HACD3: variants seen among roughly 807,000 people sequenced by gnomAD.
HACD3 encodes the protein 3-hydroxyacyl-CoA dehydratase 3, also known as very-long-chain (3R)-3-hydroxyacyl-CoA dehydratase 3.
HACD3 carries 30 observed loss-of-function variants against 55.2 expected under a neutral mutation model. That is an observed-to-expected ratio of 0.54 (90% CI 0.41 to 0.74). HACD3 has a LOEUF of 0.74. Among genes scored for constraint, HACD3 ranks in the 30% least tolerant of loss-of-function variants. The pLI, the probability that HACD3 is intolerant of heterozygous loss-of-function variation, is 0.00. For synonymous variants in HACD3, 141 were observed against 151.7 expected, an observed-to-expected ratio of 0.93 and a Z score of 0.52; for missense variants, 363 against 440.1, an observed-to-expected ratio of 0.82 and a Z score of 1.57.
At chr15:65,535,459 C>CA (rs921086472) in intron 1 of HACD3, among the ~76,000 whole-genome samples, 1 of 152,164 alleles carries the variant, frequency 6.6e-6, no homozygotes, top group African/African-American at 2.4e-5. Context: ...CAATTATGAC[C>CA]AGGCACATGT....
Position 65,573,068 on chromosome 15 carries a change from G to C in HACD3, c.1012+702G>C, listed in dbSNP as rs76434248. Among the ~76,000 whole-genome samples, 3 of 151,882 alleles carry C rather than the reference G, an allele frequency of 2.0e-5. No individual in the cohort carries two copies. The East Asian group carries it at 5.8e-4, about 29-fold the overall frequency. On this transcript the variant is annotated intron_variant, in intron 10 of 10. Coordinates refer to ENST00000261875, the MANE Select transcript of HACD3 (RefSeq NM_016395.4). ...AGGTGATAAGACAACCAGCAGCAAG[G>C]AAGGAAGAAGGGAATAAAGGCCTCT... is the stretch of plus-strand genomic sequence containing the variant.
chr15:65,568,954 T>C (rs1227385744), intron 7 of HACD3, among the ~76,000 whole-genome samples: 3 of 152,018 alleles, frequency 2.0e-5, no homozygotes, highest in Non-Finnish European at 4.4e-5. Flanking sequence ...TGCATCAACA[T>C]AGATGAGTCT....
At chr15:65,530,836 C>A in intron 1 of HACD3, 118 bp downstream of exon 1, 1 of 990,250 alleles carries the variant, frequency 1.0e-6, no homozygotes, top group South Asian at 1.8e-5. Flanking sequence ...CCAACAAGGT[C>A]GGCGACGCGG....
intron 1 of HACD3, among the ~76,000 whole-genome samples, chr15:65,546,151 A>G (rs910105453): frequency 6.6e-6 from 1 of 152,252 alleles, no homozygotes; most frequent in Non-Finnish European, 1.5e-5. Flanking sequence ...GCCCCAGCCA[A>G]CATCACATGG....
intron 1 of HACD3, among the ~76,000 whole-genome samples, chr15:65,549,821 G>C (rs1477935294): frequency 6.6e-6 from 1 of 152,102 alleles, no homozygotes; most frequent in Non-Finnish European, 1.5e-5. Flanking sequence ...CTGTAAGTTG[G>C]CTCTCAAAGG....
intron 1 of HACD3, among the ~76,000 whole-genome samples, chr15:65,540,394 T>G (rs1243279789): frequency 6.6e-6 from 1 of 152,010 alleles, no homozygotes; most frequent in Non-Finnish European, 1.5e-5. Flanking sequence ...ATGAGGGAAA[T>G]AAAGAGGGTG....
intron 1 of HACD3, among the ~76,000 whole-genome samples, chr15:65,546,208 G>T (rs1175109173): frequency 1.9e-5 from 2 of 106,194 alleles, no homozygotes; most frequent in Non-Finnish European, 3.8e-5. Context: ...GAATCATGTA[G>T]GATAATAAAA....
At chr15:65,537,538 C>A (rs887648440) in intron 1 of HACD3, among the ~76,000 whole-genome samples, 5 of 151,612 alleles carry the variant, frequency 3.3e-5, no homozygotes, top group Non-Finnish European at 7.4e-5. Context: ...TGTCTGTAAT[C>A]CCGGCACTTT....
In HACD3 at chr15:65,562,863, C is replaced by G. The variant is rs762177740; in HGVS notation, c.511C>G (p.Arg171Gly). Residue 171 changes from arginine to glycine, a missense_variant, in exon 6 of 11, where the codon CGA becomes GGA. Coordinates refer to ENST00000261875, the MANE Select transcript of HACD3 (RefSeq NM_016395.4). The part of the protein sequence containing the change: ...FSWIFVNLTV[R>G]FCILGKESFY... Reference sequence around the variant, plus strand: ...CTGGATCTTTGTCAACCTGACTGTGCGATTCTGTATCTTGGGAAAAGGCAA... The same window carrying G: ...CTGGATCTTTGTCAACCTGACTGTGGGATTCTGTATCTTGGGAAAAGGCAA... The G allele has an allele frequency of 6.2e-7, 1 of 1,613,702 alleles. No individual in the cohort carries two copies. The highest frequency in any genetic ancestry group is 1.3e-5 in the African/African-American group (1 of 74,970).
chr15:65,536,464 A>G (rs1239303026), intron 1 of HACD3, among the ~76,000 whole-genome samples: 1 of 152,190 alleles, frequency 6.6e-6, no homozygotes, highest in Non-Finnish European at 1.5e-5. Context: ...AAGCCAGTTA[A>G]TAACCCTACA....
chr15:65,571,702 C>T, intron 9 of HACD3, 48 bp downstream of exon 9: 1 of 1,440,036 alleles, frequency 6.9e-7, no homozygotes, highest in African/African-American at 1.4e-5. Context: ...CAGGGGGTAC[C>T]CAGAGGCTGA....
intron 7 of HACD3, 121 bp from the exon 8 acceptor site, chr15:65,569,962 ATTAAACTG>A (rs1357911278): frequency 1.7e-6 from 1 of 574,448 alleles, no homozygotes; most frequent in Non-Finnish European, 2.9e-6. Context: ...CTGGAGCAGG[ATTAAACTG>A]GTCGAGGTCA....
intron 10 of HACD3, among the ~76,000 whole-genome samples, chr15:65,573,692 A>G (rs530781291): frequency 1.3e-3 from 202 of 152,302 alleles, no homozygotes; most frequent in Non-Finnish European, 2.1e-3. Flanking sequence ...TATCTATACT[A>G]TACTCTATAC....
chr15:65,542,960 G>A (rs1170026932), intron 1 of HACD3, among the ~76,000 whole-genome samples: 1 of 151,764 alleles, frequency 6.6e-6, no homozygotes, highest in African/African-American at 2.4e-5. Flanking sequence ...TGTAATCCCA[G>A]CTACTCAGGA....
At chr15:65,570,408 A>G (rs2072336624) in intron 8 of HACD3, among the ~76,000 whole-genome samples, 1 of 152,192 alleles carries the variant, frequency 6.6e-6, no homozygotes, top group African/African-American at 2.4e-5. Flanking sequence ...ACCAGACTGG[A>G]TACTAGGGAG....
intron 2 of HACD3, among the ~76,000 whole-genome samples, chr15:65,554,446 G>C (rs1337862291): frequency 6.6e-6 from 1 of 152,068 alleles, no homozygotes; most frequent in Non-Finnish European, 1.5e-5. Context: ...AAGATTTGTG[G>C]ACTACGATGC....
intron 1 of HACD3, among the ~76,000 whole-genome samples, chr15:65,545,948 T>G (rs1294568700): frequency 1.3e-5 from 2 of 152,236 alleles, no homozygotes; most frequent in Non-Finnish European, 2.9e-5. Context: ...AGCTTCCGCT[T>G]CTTCTCTCTT....
intron 2 of HACD3, chr15:65,551,944 GAAAA>G: frequency 3.2e-5 from 11 of 340,884 alleles, no homozygotes; most frequent in East Asian, 1.0e-4. Context: ...TACAGTGAAG[GAAAA>G]AAAAAAAAAG....
chr15:65,558,189 G>A (rs1198818780), intron 4 of HACD3, among the ~76,000 whole-genome samples: 1 of 152,144 alleles, frequency 6.6e-6, no homozygotes, highest in Non-Finnish European at 1.5e-5. Flanking sequence ...AGTAACCCAT[G>A]CATACACATA....
Sources: gnomAD v4.1 joint callset for allele counts (sites outside exome capture counted in the v4.1 genomes callset) on GRCh38, gnomAD v4.1.1 for gene constraint, MANE v1.5 for transcripts, NCBI Gene and HGNC (gene_info 2026-07-23, HGNC 2026-07-21) for gene names.